PHKG2: variants seen among roughly 807,000 people sequenced by gnomAD.
The protein encoded by PHKG2 is phosphorylase b kinase gamma catalytic chain, liver/testis isoform.
PHKG2 carries 28 observed loss-of-function variants against 44.5 expected under a neutral mutation model. The observed-to-expected ratio is 0.63, with a 90% CI of 0.47 to 0.86. PHKG2 has a LOEUF of 0.86. Among genes scored for constraint, PHKG2 ranks in the 40% least tolerant of loss-of-function variants. PHKG2 has a pLI of 0.00. For missense variants in PHKG2, 498 were observed against 547.5 expected (o/e 0.91, Z 0.90); for synonymous variants, 220 against 211.2 (o/e 1.04, Z -0.36).
In PHKG2 at chr16:30,757,350, T is replaced by G; in HGVS notation, c.*253T>G. 6.5e-7 allele frequency: 1 copy of G among 1,531,500 alleles called. No individual in the cohort carries two copies. Among genetic ancestry groups the G allele is most frequent in the East Asian group, 2.3e-5 (1 of 44,274 alleles). 94.9% of individuals were successfully genotyped at this position (1,531,500 alleles called of 1,614,324 possible). ...GCACTGCATATGAAATAAAATCTGCTACACGCCAGGGAGAACAGGTGTCCT... is the reference window on the plus strand; with the variant it reads ...GCACTGCATATGAAATAAAATCTGCGACACGCCAGGGAGAACAGGTGTCCT... On this transcript the variant is annotated 3_prime_UTR_variant, in exon 10 of 10. Transcript: ENST00000563588.
In PHKG2 at chr16:30,751,266, G is replaced by C; in HGVS notation, c.256G>C (p.Gly86Arg). 1 of 1,610,096 alleles carries C rather than the reference G, an allele frequency of 6.2e-7. No homozygotes were observed. Reference protein sequence around the residue: ...RETHILRQVAGHPHIITLIDS... With the variant: ...RETHILRQVARHPHIITLIDS... ...GACACACATCCTTCGCCAGGTCGCC[G>C]GCCACCCCCACATCAGTGAGGCTGT... is the stretch of plus-strand genomic sequence containing the variant. The change falls in exon 3 of 10, where the codon GGC (glycine) becomes CGC (arginine). Residue 86 changes from glycine to arginine, a missense_variant. Coordinates refer to ENST00000563588, the MANE Select transcript of PHKG2 (RefSeq NM_000294.3).
In PHKG2 at chr16:30,755,038, G is replaced by C. The variant is rs1021830327; in HGVS notation, c.557-1144G>C. 50 of 397,974 alleles carry C rather than the reference G, an allele frequency of 1.3e-4. 1 individual carries two copies. The Admixed American group carries it at 1.3e-3, about 10-fold the overall frequency. 24.7% of individuals were successfully genotyped at this position (397,974 alleles called of 1,614,324 possible). On this transcript the variant is annotated intron_variant, in intron 6 of 9. Transcript: ENST00000563588. ...GAAGTGTGCCATGGAACAAGGTTCAGAAAGTACTGGAAGAATTGGTGCCCG... is the reference window on the plus strand; with the variant it reads ...GAAGTGTGCCATGGAACAAGGTTCACAAAGTACTGGAAGAATTGGTGCCCG...
chr16:30,751,218 G>A lies in PHKG2; in HGVS notation c.208G>A (p.Val70Met), dbSNP rs936824479. 7 of 1,613,456 alleles carry A rather than the reference G, an allele frequency of 4.3e-6. No individual in the cohort carries two copies. The highest frequency in any genetic ancestry group is 2.7e-5 in the African/African-American group (2 of 74,916). Residue 70 changes from valine to methionine, a missense_variant, in exon 3 of 10, where the codon GTG (valine) becomes ATG (methionine). Coordinates refer to ENST00000563588, the MANE Select transcript of PHKG2 (RefSeq NM_000294.3). Reference protein sequence around the residue: ...ERLSPEQLEEVREATRRETHI... With the variant: ...ERLSPEQLEEMREATRRETHI... ...GCTGAGTCCTGAGCAGCTGGAGGAG[G>A]TGCGGGAAGCCACACGGCGAGAGAC... is the stretch of plus-strand genomic sequence containing the variant.
In PHKG2 at chr16:30,756,409, G is replaced by A. The variant is rs373949480; in HGVS notation, c.690G>A (p.Ser230=). Residue 230 remains serine, a synonymous_variant, in exon 8 of 10, where the codon TCG becomes TCA. Coordinates refer to ENST00000563588, the MANE Select transcript of PHKG2 (RefSeq NM_000294.3). ...GVILFTLLAG[S]PPFWHRRQIL... ...TCTTGTTCACACTCCTGGCTGGCTC[G>A]CCACCCTTCTGGCACCGGCGGCAGA... 3.1e-5 allele frequency: 50 copies of A among 1,613,912 alleles called. No individual in the cohort carries two copies. Among genetic ancestry groups the A allele is most frequent in the African/African-American group, 2.4e-4 (18 of 74,986 alleles).
At chr16:30,755,115 A>G in intron 6 of PHKG2, 2 of 331,688 alleles carry the variant, frequency 6.0e-6, no homozygotes, top group Non-Finnish European at 1.2e-5. Context: ...GGTGGCACGC[A>G]TCTGTCACCC....
rs374340751 is a variant in PHKG2 at position 30,759,692 on chromosome 16, G to C, written c.*2595G>C. ...CAAAAAAGGACACTGGTGAAGTAGC[G>C]GTAGCACTCCTCCACGTTGCCCAAG... On this transcript the variant is annotated 3_prime_UTR_variant, in exon 10 of 10. Coordinates refer to ENST00000563588, the MANE Select transcript of PHKG2 (RefSeq NM_000294.3). The C allele has an allele frequency of 3.7e-6, 6 of 1,613,526 alleles. No homozygotes were observed. The highest frequency in any genetic ancestry group is 5.1e-6 in the Non-Finnish European group (6 of 1,179,828).
Position 30,757,388 on chromosome 16 carries a change from C to A in PHKG2, c.*291C>A. On this transcript the variant is annotated 3_prime_UTR_variant, in exon 10 of 10. Coordinates refer to ENST00000563588, the MANE Select transcript of PHKG2 (RefSeq NM_000294.3). Reference sequence around the variant, plus strand: ...GAACAGGTGTCCTGTGTCTGTCTGGCTTGGGCAGGAAAGCCCAGAAGGTGC... The same window carrying A: ...GAACAGGTGTCCTGTGTCTGTCTGGATTGGGCAGGAAAGCCCAGAAGGTGC... The A allele has an allele frequency of 6.5e-7, 1 of 1,545,840 alleles. No homozygotes were observed. The highest frequency in any genetic ancestry group is 8.7e-7 in the Non-Finnish European group (1 of 1,146,508).
Position 30,760,348 on chromosome 16 carries a change from G to T in PHKG2, c.*3251G>T, listed in dbSNP as rs947339809. 6.2e-7 allele frequency: 1 copy of T among 1,614,130 alleles called. No individual in the cohort carries two copies. On this transcript the variant is annotated 3_prime_UTR_variant, in exon 10 of 10. Coordinates refer to ENST00000563588, the MANE Select transcript of PHKG2 (RefSeq NM_000294.3). ...CCGCTGACGTCTGCTCCAGTGAGAA[G>T]CCCTGCTGGCGGCAGAAAATGAGCG... is the stretch of plus-strand genomic sequence containing the variant.
At position 30,751,216 on chromosome 16, in the gene PHKG2, A is replaced by C; in HGVS notation, c.206A>C (p.Glu69Ala). Residue 69 changes from glutamate to alanine, a missense_variant, in exon 3 of 10, where the codon GAG becomes GCG. Transcript: ENST00000563588. ...CGGCTGAGTCCTGAGCAGCTGGAGGAGGTGCGGGAAGCCACACGGCGAGAG... is the reference window on the plus strand; with the variant it reads ...CGGCTGAGTCCTGAGCAGCTGGAGGCGGTGCGGGAAGCCACACGGCGAGAG... ...AERLSPEQLE[E>A]VREATRRETH... is the part of the protein sequence containing the mutation. 6.2e-7 allele frequency: 1 copy of C among 1,613,566 alleles called. No homozygotes were observed. The highest frequency in any genetic ancestry group is 8.5e-7 in the Non-Finnish European group (1 of 1,180,032).
intron 1 of PHKG2, 26 bp from the exon 2 acceptor site, chr16:30,748,777 C>A (rs1008081190): frequency 3.4e-6 from 5 of 1,449,934 alleles, no homozygotes; most frequent in African/African-American, 1.4e-5. Context: ...GCCTCCCTGC[C>A]CTCACTGCCC....
At chr16:30,750,094 G>C (rs1237965943) in intron 2 of PHKG2, among the ~76,000 whole-genome samples, 1 of 152,168 alleles carries the variant, frequency 6.6e-6, no homozygotes, top group East Asian at 1.9e-4. Context: ...GATGCCCTTA[G>C]TGGTTGCGCA....
At chr16:30,751,055 G>A (rs769002685) in intron 2 of PHKG2, 51 bp from the exon 3 acceptor site, 16 of 1,586,814 alleles carry the variant, frequency 1.0e-5, no homozygotes, top group Non-Finnish European at 1.3e-5. Flanking sequence ...CAGCCTGTGC[G>A]GAAATGTGAG....
At chr16:30,748,562 C>A in intron 1 of PHKG2, 72 bp downstream of exon 1, 1 of 550,576 alleles carries the variant, frequency 1.8e-6, no homozygotes, top group Non-Finnish European at 3.2e-6. Flanking sequence ...CAGCCGCCTG[C>A]CCTTGCGCCC....
intron 4 of PHKG2, chr16:30,752,809 A>C (rs1466160150): frequency 3.2e-6 from 1 of 309,784 alleles, no homozygotes. Flanking sequence ...TTTTGAAAGT[A>C]TTATTTTTAA....
rs1567259440 is a variant in PHKG2, at chr16:30,749,076, G to A, written c.95+161G>A. On this transcript the variant is annotated intron_variant, in intron 2 of 9. Coordinates refer to ENST00000563588, the MANE Select transcript of PHKG2 (RefSeq NM_000294.3). Reference sequence around the variant, plus strand: ...GGTGGTGGTGGTGGTGGTGGTGGTGGTGGTGGTGGTGGTGCTGCTGCTGCT... The same window carrying A: ...GGTGGTGGTGGTGGTGGTGGTGGTGATGGTGGTGGTGGTGCTGCTGCTGCT... 2.1e-4 allele frequency among the ~76,000 whole-genome samples: 6 copies of A among 28,554 alleles called. 1 individual carries two copies. In the Admixed American group the frequency reaches 2.1e-3, roughly 10 times the overall value. The allele number at this position is 28,554 out of a possible 152,430, so 18.7% of individuals were successfully genotyped here. A position where few individuals can be genotyped will look rare whatever the true frequency, so the allele number is the denominator to read the frequency against.
chr16:30,752,571 G>A (rs1330116825), intron 4 of PHKG2: 1 of 154,508 alleles, frequency 6.5e-6, no homozygotes, highest in Non-Finnish European at 1.4e-5. Context: ...CAACTGCAAA[G>A]GTATTTTGAA....
At position 30,756,908 on chromosome 16, in the gene PHKG2, G is replaced by T. The variant is rs758327139; in HGVS notation, c.1032G>T (p.Arg344=). 7 of 1,613,998 alleles carry T rather than the reference G, an allele frequency of 4.3e-6. No homozygotes were observed. The South Asian group carries it at 7.7e-5, about 18-fold the overall frequency. ...NALLRDPYAL[R]SVRHLIDNCA... ...TGTTGAGGGACCCTTATGCGCTGCG[G>T]TCAGTGCGGCACCTCATCGACAACT... The change falls in exon 10 of 10, where the codon CGG becomes CGT. Residue 344 remains arginine, a synonymous_variant. Transcript: ENST00000563588.
In PHKG2 at chr16:30,749,109, C is replaced by G. The variant is rs1262360206; in HGVS notation, c.95+194C>G. On this transcript the variant is annotated intron_variant, in intron 2 of 9. Coordinates refer to ENST00000563588, the MANE Select transcript of PHKG2 (RefSeq NM_000294.3). ...GGTGGTGCTGCTGCTGCTGCTGCTGCTGGTGGTGCTGGTGCTGGTGGTGGT... is the reference window on the plus strand; with the variant it reads ...GGTGGTGCTGCTGCTGCTGCTGCTGGTGGTGGTGCTGGTGCTGGTGGTGGT... Among the ~76,000 whole-genome samples the G allele has an allele frequency of 1.9e-3, 32 of 16,630 alleles. 3 individuals carry two copies. The highest frequency in any genetic ancestry group is 4.3e-3 in the East Asian group (2 of 460). The allele number at this position is 16,630 out of a possible 152,430, so 10.9% of individuals were successfully genotyped here.
chr16:30,755,268 C>T (rs1205642363), intron 6 of PHKG2: 1 of 186,978 alleles, frequency 5.3e-6, no homozygotes, highest in Non-Finnish European at 1.1e-5. Flanking sequence ...AAAATACAGA[C>T]TTGGATAAAG....
Sources: gnomAD v4.1 joint callset for allele counts (sites outside exome capture counted in the v4.1 genomes callset) on GRCh38, gnomAD v4.1.1 for gene constraint, MANE v1.5 for transcripts, NCBI Gene and HGNC (gene_info 2026-07-23, HGNC 2026-07-21) for gene names.